OTOA: variants seen among roughly 807,000 people sequenced by gnomAD.
The protein encoded by OTOA is cancer/testis antigen 108.
In OTOA, 70 loss-of-function variants were observed where a neutral mutation model predicts 110.8. The observed-to-expected ratio is 0.63, with a 90% confidence interval of 0.52 to 0.77. The LOEUF is 0.77. Among genes scored for constraint, OTOA ranks in the 30% least tolerant of loss-of-function variants. The probability of loss-of-function intolerance (pLI) is 0.00; values close to 1 mark genes in which losing one functional copy is unlikely to be tolerated. For missense variants in OTOA, 917 were observed against 1,075.8 expected, an observed-to-expected ratio of 0.85 and a Z score of 2.06; for synonymous variants, 373 against 431.5, an observed-to-expected ratio of 0.86 and a Z score of 1.68.
At chr16:21,693,895 C>T (rs1210877779) in intron 9 of OTOA, among the ~76,000 whole-genome samples, 2 of 151,996 alleles carry the variant, frequency 1.3e-5, no homozygotes, top group Non-Finnish European at 2.9e-5. Context: ...ATTACAGGTA[C>T]TTTAGACTAG....
intron 8 of OTOA, among the ~76,000 whole-genome samples, chr16:21,689,879 T>C (rs1897793957): frequency 6.6e-6 from 1 of 151,870 alleles, no homozygotes; most frequent in Admixed American, 6.6e-5. Flanking sequence ...AGAGACAGAG[T>C]TTCATCATAT....
chr16:21,691,136 G>C (rs773652798), intron 8 of OTOA, among the ~76,000 whole-genome samples: 3 of 152,098 alleles, frequency 2.0e-5, no homozygotes, highest in Non-Finnish European at 2.9e-5. Context: ...CCCTGCAAAG[G>C]ACACGAACTC....
chr16:21,704,077 G>T (rs1436172152), intron 11 of OTOA, among the ~76,000 whole-genome samples: 1 of 152,128 alleles, frequency 6.6e-6, no homozygotes, highest in Non-Finnish European at 1.5e-5. Context: ...ATCTCACAGA[G>T]CTGGGCTTCA....
intron 7 of OTOA, among the ~76,000 whole-genome samples, chr16:21,686,596 C>T (rs1897715947): frequency 6.6e-6 from 1 of 152,080 alleles, no homozygotes; most frequent in African/African-American, 2.4e-5. Context: ...CCAGGCCAAT[C>T]AGTCCTTTTC....
intron 12 of OTOA, among the ~76,000 whole-genome samples, chr16:21,707,826 C>A (rs1397690866): frequency 8.1e-6 from 1 of 122,800 alleles, no homozygotes; most frequent in Non-Finnish European, 1.6e-5. Flanking sequence ...GATGGAGTGT[C>A]GCTCTGTTGC....
chr16:21,685,005 C>T (rs951402897), intron 6 of OTOA, among the ~76,000 whole-genome samples: 15 of 152,072 alleles, frequency 9.9e-5, no homozygotes, highest in Non-Finnish European at 2.1e-4. Context: ...CCGCCTCGGC[C>T]TCCCAAAGTG....
intron 1 of OTOA, among the ~76,000 whole-genome samples, chr16:21,669,611 CTTGGCGTTGTCT>C (rs1444078873): frequency 1.3e-5 from 2 of 152,162 alleles, no homozygotes; most frequent in Non-Finnish European, 2.9e-5. Flanking sequence ...AGGCCAAATC[CTTGGCGTTGTCT>C]TTGACCTGTC....
Position 21,688,938 on chromosome 16 carries a change from C to T in OTOA, c.635+1290C>T, listed in dbSNP as rs562246946. On this transcript the variant is annotated intron_variant, in intron 8 of 28. Coordinates refer to ENST00000646100, the MANE Select transcript of OTOA (RefSeq NM_144672.4). ...AGTGTGTTTTAAAGATTCACTGGCA[C>T]TAAACTGAGACTTTGTTCTTGAGGG... 3.9e-5 allele frequency among the ~76,000 whole-genome samples: 6 copies of T among 152,268 alleles called. No individual in the cohort carries two copies. In the East Asian group the frequency reaches 7.7e-4, roughly 20 times the overall value.
At chr16:21,677,882 A>G (rs1966862975) in intron 1 of OTOA, among the ~76,000 whole-genome samples, 1 of 148,198 alleles carries the variant, frequency 6.7e-6, no homozygotes, top group African/African-American at 2.6e-5. Flanking sequence ...TCTTGCAGAT[A>G]AAATAGAGTC....
At chr16:21,693,112 A>T (rs1351975159) in intron 9 of OTOA, among the ~76,000 whole-genome samples, 1 of 151,966 alleles carries the variant, frequency 6.6e-6, no homozygotes, top group Non-Finnish European at 1.5e-5. Context: ...AAACAAAAAA[A>T]CAAAAGCCAG....
intron 16 of OTOA, 50 bp from the exon 17 acceptor site, chr16:21,719,337 C>G: frequency 1.3e-6 from 2 of 1,576,162 alleles, no homozygotes; most frequent in Non-Finnish European, 1.7e-6. Context: ...TCTTTCTTTC[C>G]TCTCCTCCTC....
intron 18 of OTOA, among the ~76,000 whole-genome samples, chr16:21,725,610 C>T (rs1031517339): frequency 2.0e-5 from 3 of 151,982 alleles, no homozygotes; most frequent in Non-Finnish European, 2.9e-5. Context: ...TGGGATAATG[C>T]TAAGGAGATA....
intron 1 of OTOA, 48 bp from the exon 2 acceptor site, chr16:21,678,463 T>C (rs1966866744): frequency 2.8e-5 from 30 of 1,061,980 alleles, no homozygotes; most frequent in Non-Finnish European, 4.0e-5. Context: ...TGTATATATA[T>C]ATATATTAAA....
chr16:21,692,224 G>A (rs966928844), intron 9 of OTOA, among the ~76,000 whole-genome samples: 3 of 152,080 alleles, frequency 2.0e-5, no homozygotes, highest in Admixed American at 6.5e-5. Context: ...CTACTCAGGA[G>A]GTTGAGGCAG....
At chr16:21,676,484 T>G (rs1331400433) in intron 1 of OTOA, among the ~76,000 whole-genome samples, 1 of 152,126 alleles carries the variant, frequency 6.6e-6, no homozygotes, top group Non-Finnish European at 1.5e-5. Context: ...ATGGAGGCAA[T>G]TGTTCTTTGA....
chr16:21,680,624 A>G (rs28657714), intron 5 of OTOA, among the ~76,000 whole-genome samples: 29,666 of 151,996 alleles, frequency 0.2, 4,488 homozygotes, highest in African/African-American at 0.41. Flanking sequence ...AGGCCAAGGT[A>G]GGAGGATCGC....
chr16:21,709,694 G>T (rs764789163), intron 12 of OTOA, among the ~76,000 whole-genome samples, 194 bp from the exon 13 acceptor site: 23 of 152,156 alleles, frequency 1.5e-4, no homozygotes, highest in Non-Finnish European at 3.1e-4. Flanking sequence ...AAGGCCAGAA[G>T]AGGTGTCCTC....
intron 1 of OTOA, among the ~76,000 whole-genome samples, chr16:21,668,777 C>G (rs1320339710): frequency 1.3e-5 from 2 of 152,004 alleles, no homozygotes; most frequent in Admixed American, 6.6e-5. Context: ...GTGTTTGAAT[C>G]AGGATCCAAA....
At chr16:21,699,361 T>C (rs1323326713) in intron 10 of OTOA, among the ~76,000 whole-genome samples, 1 of 152,166 alleles carries the variant, frequency 6.6e-6, no homozygotes, top group Non-Finnish European at 1.5e-5. Context: ...ATGTGCCGGC[T>C]GCCGTGGCCC....
Sources: allele counts gnomAD v4.1 joint callset (sites outside exome capture counted in the v4.1 genomes callset), GRCh38; gene constraint gnomAD v4.1.1; transcripts MANE v1.5; gene names NCBI Gene and HGNC (gene_info 2026-07-23, HGNC 2026-07-21).